FBXO42: variants seen among roughly 807,000 people sequenced by gnomAD.
The protein encoded by FBXO42 is F-box only protein 42.
FBXO42 carries 12 observed loss-of-function variants against 71.7 expected under a neutral mutation model. That is an observed-to-expected ratio of 0.17 (90% confidence interval 0.11 to 0.27). The LOEUF is 0.27. Ranked by LOEUF, FBXO42 falls within the 10% of genes least tolerant of loss-of-function variation. The probability of loss-of-function intolerance (pLI) is 1.00; values close to 1 mark genes in which losing one functional copy is unlikely to be tolerated. For missense variants in FBXO42, 707 were observed against 911.9 expected, an observed-to-expected ratio of 0.78 and a Z score of 2.89; for synonymous variants, 325 against 327.5, an observed-to-expected ratio of 0.99 and a Z score of 0.08.
chr1:16,309,488 G>T (rs1009706420), intron 2 of FBXO42, among the ~76,000 whole-genome samples: 1 of 152,138 alleles, frequency 6.6e-6, no homozygotes, highest in Admixed American at 6.6e-5. Context: ...AACTAAAAAT[G>T]AATCACAATC....
chr1:16,311,496 AAAAAAAAATATATAT>A (rs1405525887), intron 2 of FBXO42, among the ~76,000 whole-genome samples: 2 of 116,620 alleles, frequency 1.7e-5, no homozygotes, highest in African/African-American at 6.4e-5. Context: ...TCAAAAAAAA[AAAAAAAAATATATAT>A]ATATATATAT....
chr1:16,249,999 A>G lies in FBXO42; in HGVS notation c.*671T>C, dbSNP rs923937097. The stretch of plus-strand genomic sequence containing the variant: ...CAAGAAGCACTCCAAAGACCAATGG[A>G]CACTACTAGGCGGTCAGATGTTGGC... On this transcript the variant is annotated 3_prime_UTR_variant, in exon 10 of 10. Coordinates refer to ENST00000375592, the MANE Select transcript of FBXO42 (RefSeq NM_018994.3). 2 of 152,240 alleles carry G rather than the reference A, an allele frequency of 1.3e-5. No homozygotes were observed. Among genetic ancestry groups the G allele is most frequent in the African/African-American group, 4.8e-5 (2 of 41,470 alleles). 9.4% of individuals were successfully genotyped at this position (152,240 alleles called of 1,614,324 possible). A position where few individuals can be genotyped will look rare whatever the true frequency, so the allele number is the denominator to read the frequency against.
intron 3 of FBXO42, among the ~76,000 whole-genome samples, chr1:16,298,518 T>C (rs550517552): frequency 6.6e-6 from 1 of 152,290 alleles, no homozygotes; most frequent in African/African-American, 2.4e-5. Context: ...GAGTTATTTA[T>C]TTATTTTCTG....
intron 4 of FBXO42, among the ~76,000 whole-genome samples, chr1:16,269,107 CT>C (rs111496206): frequency 0.96 from 127,780 of 133,012 alleles, 61,346 homozygotes; most frequent in African/African-American, 0.98. Context: ...CCGCACCTGG[CT>C]TTTTTTTTTT....
At chr1:16,325,505 A>G (rs1569926324) in intron 1 of FBXO42, among the ~76,000 whole-genome samples, 3 of 152,334 alleles carry the variant, frequency 2.0e-5, no homozygotes, top group Admixed American at 1.3e-4. Flanking sequence ...TTTATAAAGC[A>G]TACCAAATTT....
At chr1:16,294,679 C>T in intron 4 of FBXO42, 104 bp downstream of exon 4, 1 of 1,209,814 alleles carries the variant, frequency 8.3e-7, no homozygotes, top group Non-Finnish European at 1.2e-6. Context: ...GACCTGAGTC[C>T]CAGTAACCCA....
intron 4 of FBXO42, among the ~76,000 whole-genome samples, chr1:16,283,771 A>G (rs969403508): frequency 1.3e-5 from 2 of 152,072 alleles, no homozygotes; most frequent in African/African-American, 4.8e-5. Context: ...CTGGGATTAC[A>G]GGTGTGAGCC....
At chr1:16,282,220 C>CTTTTT (rs58853820) in intron 4 of FBXO42, among the ~76,000 whole-genome samples, 3 of 136,248 alleles carry the variant, frequency 2.2e-5, no homozygotes, top group African/African-American at 2.9e-5. Flanking sequence ...GAGACATTTT[C>CTTTTT]TTTTTTTTTT....
In FBXO42 at chr1:16,278,480, CT is replaced by C. The variant is rs1480238801; in HGVS notation, c.502+16302del. Among the ~76,000 whole-genome samples, 21 of 152,010 alleles carry C rather than the reference CT, an allele frequency of 1.4e-4. No individual in the cohort carries two copies. The East Asian group carries it at 3.9e-3, about 28-fold the overall frequency. On this transcript the variant is annotated intron_variant, in intron 4 of 9. Transcript: ENST00000375592. Reference sequence around the variant, plus strand: ...ATCTTTTCCCAGAATAGACTACTGTCTTTTTTATTTTTATTTTGTTTTGTTT... The same window carrying C: ...ATCTTTTCCCAGAATAGACTACTGTCTTTTTATTTTTATTTTGTTTTGTTT...
intron 1 of FBXO42, among the ~76,000 whole-genome samples, chr1:16,330,087 A>G (rs939468009): frequency 1.3e-5 from 2 of 151,858 alleles, no homozygotes; most frequent in African/African-American, 4.8e-5. Context: ...AAGTTATTAT[A>G]TTATTATCAC....
intron 4 of FBXO42, among the ~76,000 whole-genome samples, chr1:16,261,034 C>A (rs750986766): frequency 5.9e-5 from 9 of 152,194 alleles, no homozygotes; most frequent in Non-Finnish European, 8.8e-5. Flanking sequence ...CAGAATATAT[C>A]ATGCTGCACT....
intron 1 of FBXO42, among the ~76,000 whole-genome samples, chr1:16,339,788 C>G (rs11260730): frequency 0.26 from 39,547 of 151,932 alleles, 5,891 homozygotes; most frequent in Non-Finnish European, 0.34. Context: ...CTTTGCTTCA[C>G]CTGATCATAA....
chr1:16,337,840 C>T (rs186480186), intron 1 of FBXO42, among the ~76,000 whole-genome samples: 7 of 119,444 alleles, frequency 5.9e-5, no homozygotes, highest in East Asian at 2.9e-4. Context: ...GTGGAGATCG[C>T]GCCACTGTAC....
At chr1:16,348,559 G>A (rs1470652263) in intron 1 of FBXO42, among the ~76,000 whole-genome samples, 4 of 151,978 alleles carry the variant, frequency 2.6e-5, no homozygotes, top group Non-Finnish European at 5.9e-5. Flanking sequence ...AAAATTAGCC[G>A]GGCGTGGGGC....
At chr1:16,328,351 TA>T (rs1447263571) in intron 1 of FBXO42, among the ~76,000 whole-genome samples, 3 of 152,212 alleles carry the variant, frequency 2.0e-5, no homozygotes, top group Non-Finnish European at 2.9e-5. Flanking sequence ...ATATAAGCAC[TA>T]GTCTCTACTT....
chr1:16,262,302 AG>A (rs2081723443), intron 4 of FBXO42, among the ~76,000 whole-genome samples: 1 of 152,130 alleles, frequency 6.6e-6, no homozygotes, highest in Non-Finnish European at 1.5e-5. Context: ...GGACTACAGG[AG>A]TATACCAAAA....
intron 3 of FBXO42, among the ~76,000 whole-genome samples, chr1:16,299,115 C>A (rs2082162729): frequency 6.6e-6 from 1 of 152,026 alleles, no homozygotes; most frequent in Non-Finnish European, 1.5e-5. Flanking sequence ...TAGGTTCAAG[C>A]AATTCTCCTC....
intron 2 of FBXO42, among the ~76,000 whole-genome samples, chr1:16,308,927 G>A (rs1007813611): frequency 1.3e-5 from 2 of 150,942 alleles, no homozygotes; most frequent in Non-Finnish European, 2.9e-5. Context: ...ATTTTTAGTA[G>A]AGACGGGGTT....
Position 16,305,939 on chromosome 1 carries a change from C to T in FBXO42, c.251-20G>A. The T allele has an allele frequency of 3.9e-6, 6 of 1,520,492 alleles. No individual in the cohort carries two copies. The highest frequency in any genetic ancestry group is 5.5e-6 in the Non-Finnish European group (6 of 1,095,112). The allele number at this position is 1,520,492 out of a possible 1,614,324, so 94.2% of individuals were successfully genotyped here. A position where few individuals can be genotyped will look rare whatever the true frequency, so the allele number is the denominator to read the frequency against. ...CTACACCTAAGACAGAAAGAGCAAA[C>T]CCTTCAGTCCAGACACTTAACTTAT... is the stretch of plus-strand genomic sequence containing the variant. On this transcript the variant is annotated intron_variant, in intron 2 of 9. Coordinates refer to ENST00000375592, the MANE Select transcript of FBXO42 (RefSeq NM_018994.3).
Sources: gnomAD v4.1 joint callset for allele counts (sites outside exome capture counted in the v4.1 genomes callset) on GRCh38, gnomAD v4.1.1 for gene constraint, MANE v1.5 for transcripts, NCBI Gene and HGNC (gene_info 2026-07-23, HGNC 2026-07-21) for gene names.